Variants in LHX8 observed in about 807,000 individuals in gnomAD.
LHX8 encodes the protein LIM homeobox 8, also known as LIM/homeobox protein Lhx8.
LHX8 carries 12 observed loss-of-function variants against 40.3 expected under a neutral mutation model. The ratio of observed to expected loss-of-function variants is 0.30; its 90% CI spans 0.19 to 0.48. The LOEUF is 0.48. LHX8 is among the 20% of genes least tolerant of loss of function. The pLI is 0.99. For synonymous variants in LHX8, 179 were observed against 162.0 expected (o/e 1.10, Z -0.80); for missense variants, 344 against 433.7 (o/e 0.79, Z 1.84).
chr1:75,160,164 G>T (rs1648879707), intron 8 of LHX8: 1 of 152,234 alleles, frequency 6.6e-6, no homozygotes, highest in Non-Finnish European at 1.5e-5. Context: ...GACTTTGTAA[G>T]TCCTCACTAC....
At chr1:75,184,824 T>G in the LHX8 span, among the ~76,000 whole-genome samples, 5 of 150,332 alleles carry the variant, frequency 3.3e-5, no homozygotes, top group South Asian at 1.0e-3. Flanking sequence ...AGCAGCTGTT[T>G]TTTTTTTTTT....
At chr1:75,129,888 G>A (rs922933825), upstream of LHX8, 7 of 147,830 alleles carry the variant, frequency 4.7e-5, no homozygotes, top group Non-Finnish European at 7.6e-5. Flanking sequence ...AAAGGGAGGC[G>A]GGTAGAGAGT....
chr1:75,155,401 A>AT lies in LHX8; in HGVS notation c.781-1486dup, dbSNP rs531724203. ...AGGCACCCGCCACCATGCCTGGCTA[A>AT]TTTTTTGTATTTTTAGTAGAGATGG... On this transcript the variant is annotated intron_variant, in intron 7 of 8. Coordinates refer to ENST00000356261, the MANE Select transcript of LHX8 (RefSeq NM_001256114.2). Among the ~76,000 whole-genome samples, 67 of 151,832 alleles carry AT rather than the reference A, an allele frequency of 4.4e-4. No homozygotes were observed. The South Asian group carries it at 5.8e-3, about 13-fold the overall frequency.
At chr1:75,186,515 C>T in the LHX8 span, among the ~76,000 whole-genome samples, 1 of 152,168 alleles carries the variant, frequency 6.6e-6, no homozygotes, top group Non-Finnish European at 1.5e-5. Context: ...GAGACATTTC[C>T]TTTATGCCCT....
the LHX8 span, among the ~76,000 whole-genome samples, chr1:75,198,667 A>G: frequency 6.6e-6 from 1 of 152,170 alleles, no homozygotes; most frequent in Non-Finnish European, 1.5e-5. Flanking sequence ...ATGCCCTAGC[A>G]TGGTTCAGAA....
the LHX8 span, among the ~76,000 whole-genome samples, chr1:75,179,914 G>C: frequency 6.6e-6 from 1 of 152,108 alleles, no homozygotes; most frequent in Admixed American, 6.5e-5. Context: ...GCATTTGCTT[G>C]TCTGTAAAGG....
At chr1:75,150,178 C>T (rs910439351) in intron 7 of LHX8, among the ~76,000 whole-genome samples, 1 of 152,160 alleles carries the variant, frequency 6.6e-6, no homozygotes, top group African/African-American at 2.4e-5. Flanking sequence ...GTTGAAGCTG[C>T]AGTCAGCCAT....
chr1:75,188,183 CT>C, the LHX8 span, among the ~76,000 whole-genome samples: 5 of 150,828 alleles, frequency 3.3e-5, no homozygotes, highest in African/African-American at 2.4e-5. Flanking sequence ...TTTTGTTTTG[CT>C]TTTTTTTTCA....
chr1:75,197,799 A>T, the LHX8 span, among the ~76,000 whole-genome samples: 4 of 152,176 alleles, frequency 2.6e-5, no homozygotes, highest in African/African-American at 4.8e-5. Flanking sequence ...GTAGAGAAGC[A>T]GAATGAAAAA....
chr1:75,149,920 G>A (rs1648562099), intron 7 of LHX8, among the ~76,000 whole-genome samples: 1 of 152,204 alleles, frequency 6.6e-6, no homozygotes, highest in Admixed American at 6.5e-5. Flanking sequence ...ATTGGTAACT[G>A]CAATGGGGAA....
chr1:75,149,230 A>G (rs1648542136), intron 7 of LHX8, among the ~76,000 whole-genome samples: 3 of 152,230 alleles, frequency 2.0e-5, no homozygotes, highest in African/African-American at 7.2e-5. Context: ...AAAGCTGAAA[A>G]GTGATGAATT....
Position 75,145,933 on chromosome 1 carries a change from A to G in LHX8, c.684+1985A>G, listed in dbSNP as rs370752302. ...ATTACCATTTTCAGATTACTGATGAAAGCATAGGTAATATGCTTTCAAAGT... is the reference window on the plus strand; with the variant it reads ...ATTACCATTTTCAGATTACTGATGAGAGCATAGGTAATATGCTTTCAAAGT... On this transcript the variant is annotated intron_variant, in intron 6 of 8. Coordinates refer to ENST00000356261, the MANE Select transcript of LHX8 (RefSeq NM_001256114.2). Among the ~76,000 whole-genome samples, 68 of 152,258 alleles carry G rather than the reference A, an allele frequency of 4.5e-4. 2 individuals are homozygous for G. The South Asian group carries it at 8.1e-3, about 18-fold the overall frequency.
At chr1:75,162,037 A>T (rs1648932538), downstream of LHX8, among the ~76,000 whole-genome samples, 1 of 152,116 alleles carries the variant, frequency 6.6e-6, no homozygotes, top group South Asian at 2.1e-4. Context: ...GGAAGAAAAA[A>T]GGTAATGAGA....
chr1:75,155,424 T>C (rs1019837040), intron 7 of LHX8, among the ~76,000 whole-genome samples: 53 of 152,032 alleles, frequency 3.5e-4, no homozygotes, highest in South Asian at 1.0e-3. Context: ...TTAGTAGAGA[T>C]GGAGTTTCAC....
At chr1:75,135,721 G>A (rs895391685) in intron 1 of LHX8, among the ~76,000 whole-genome samples, 5 of 152,238 alleles carry the variant, frequency 3.3e-5, no homozygotes, top group Non-Finnish European at 5.9e-5. Context: ...AAACACTTGA[G>A]TAACGCGCGT....
chr1:75,137,787 G>T (rs1238577078), intron 3 of LHX8, among the ~76,000 whole-genome samples: 2 of 152,126 alleles, frequency 1.3e-5, no homozygotes, highest in African/African-American at 4.8e-5. Context: ...GTAGCTTAAA[G>T]GATCTTTTCT....
chr1:75,160,961 T>A lies in LHX8; in HGVS notation c.*66T>A. The A allele has an allele frequency of 8.4e-7, 1 of 1,184,934 alleles. No individual in the cohort carries two copies. The highest frequency in any genetic ancestry group is 1.3e-6 in the Non-Finnish European group (1 of 791,968). The allele number at this position is 1,184,934 out of a possible 1,614,324, so 73.4% of individuals were successfully genotyped here. A position where few individuals can be genotyped will look rare whatever the true frequency, so the allele number is the denominator to read the frequency against. ...GTCATTTATTATGTATAAAATACCA[T>A]TGAAAAGATATTACTGTTAATTTTT... On this transcript the variant is annotated 3_prime_UTR_variant, in exon 9 of 9. Transcript: ENST00000356261.
chr1:75,168,122 T>C, the LHX8 span, among the ~76,000 whole-genome samples: 2 of 152,232 alleles, frequency 1.3e-5, no homozygotes, highest in Non-Finnish European at 2.9e-5. Flanking sequence ...AGTTTTCTTT[T>C]TCCTCTGCCC....
Position 75,157,108 on chromosome 1 carries a change from C to T in LHX8, c.964+32C>T, listed in dbSNP as rs1379631780. 4 of 1,599,138 alleles carry T rather than the reference C, an allele frequency of 2.5e-6. No individual in the cohort carries two copies. The African/African-American group carries it at 5.4e-5, about 21-fold the overall frequency. Reference sequence around the variant, plus strand: ...ATCCCAACATTTAACAGCTGTCTCCCAGGCAATCAGCAACTGGTAACTTCT... The same window carrying T: ...ATCCCAACATTTAACAGCTGTCTCCTAGGCAATCAGCAACTGGTAACTTCT... On this transcript the variant is annotated intron_variant, in intron 8 of 8. Coordinates refer to ENST00000356261, the MANE Select transcript of LHX8 (RefSeq NM_001256114.2).
Sources: gnomAD v4.1 joint callset for allele counts (sites outside exome capture counted in the v4.1 genomes callset) on GRCh38, gnomAD v4.1.1 for gene constraint, MANE v1.5 for transcripts, NCBI Gene and HGNC (gene_info 2026-07-23, HGNC 2026-07-21) for gene names.